PARD3B: variants seen among roughly 807,000 people sequenced by gnomAD.
The protein encoded by PARD3B is partitioning defective 3 homolog B.
In PARD3B, 103 loss-of-function variants were observed where a neutral mutation model predicts 130.2. The ratio of observed to expected loss-of-function variants is 0.79; its 90% CI spans 0.67 to 0.93. The LOEUF is 0.93. PARD3B is among the 40% of genes least tolerant of loss of function. The pLI, the probability that PARD3B is intolerant of heterozygous loss-of-function variation, is 0.00. For missense variants in PARD3B, 1,609 were observed against 1,499.2 expected (o/e 1.07, Z -1.21); for synonymous variants, 583 against 553.2 (o/e 1.05, Z -0.76).
chr2:205,549,651 G>A (rs1401910896), intron 21 of PARD3B, among the ~76,000 whole-genome samples: 1 of 152,150 alleles, frequency 6.6e-6, no homozygotes, highest in Non-Finnish European at 1.5e-5. Context: ...AATAGGCAGA[G>A]CACTTAAGAT....
chr2:205,074,452 T>A (rs1304198002), intron 4 of PARD3B, among the ~76,000 whole-genome samples: 2 of 152,180 alleles, frequency 1.3e-5, no homozygotes, highest in African/African-American at 4.8e-5. Context: ...TGGAACGACT[T>A]CAGAAAAACT....
chr2:205,083,334 GA>G lies in PARD3B; in HGVS notation c.505-21080del, dbSNP rs55665658. 9.4e-3 allele frequency among the ~76,000 whole-genome samples: 1,317 copies of G among 140,060 alleles called. 14 individuals are homozygous for G. Among genetic ancestry groups the G allele is most frequent in the African/African-American group, 0.031 (1,175 of 38,222 alleles). The allele number at this position is 140,060 out of a possible 152,430, so 91.9% of individuals were successfully genotyped here. A position where few individuals can be genotyped will look rare whatever the true frequency, so the allele number is the denominator to read the frequency against. ...TAGCATAAAAGTGGTTTTAAGAATAGAAAAAAAAAAAAGAGGAAATAACTTT... is the reference window on the plus strand; with the variant it reads ...TAGCATAAAAGTGGTTTTAAGAATAGAAAAAAAAAAAGAGGAAATAACTTT... On this transcript the variant is annotated intron_variant, in intron 4 of 22. Coordinates refer to ENST00000406610, the MANE Select transcript of PARD3B (RefSeq NM_001302769.2).
At chr2:205,054,404 T>TATATATATATATATATATATA (rs1699451825) in intron 4 of PARD3B, among the ~76,000 whole-genome samples, 4 of 33,834 alleles carry the variant, frequency 1.2e-4, no homozygotes, top group Non-Finnish European at 1.8e-4. Context: ...GACATGTCTT[T>TATATATATATATATATATATA]TATATATATA....
chr2:205,403,348 T>C (rs915243860), intron 19 of PARD3B, among the ~76,000 whole-genome samples: 1 of 152,202 alleles, frequency 6.6e-6, no homozygotes, highest in Non-Finnish European at 1.5e-5. Flanking sequence ...TGTTAAACTT[T>C]CAAGAATTTT....
At chr2:205,188,573 G>A (rs1484532542) in intron 14 of PARD3B, among the ~76,000 whole-genome samples, 1 of 152,120 alleles carries the variant, frequency 6.6e-6, no homozygotes, top group Non-Finnish European at 1.5e-5. Context: ...AGAAGAAAGG[G>A]CAGAGATATT....
Position 205,553,626 on chromosome 2 carries a change from C to T in PARD3B, c.3260+223C>T, listed in dbSNP as rs529857482. Among the ~76,000 whole-genome samples the T allele has an allele frequency of 3.9e-5, 6 of 152,168 alleles. No individual in the cohort carries two copies. In the East Asian group the frequency reaches 5.8e-4, roughly 15 times the overall value. On this transcript the variant is annotated intron_variant, in intron 22 of 22. Coordinates refer to ENST00000406610, the MANE Select transcript of PARD3B (RefSeq NM_001302769.2). ...AAAATAGTATATCATTGCAATTGAA[C>T]GTGTCAGCAAGAACATTGGATACTA...
intron 2 of PARD3B, among the ~76,000 whole-genome samples, chr2:204,928,573 T>G (rs1317068903): frequency 1.3e-5 from 2 of 152,116 alleles, no homozygotes; most frequent in Non-Finnish European, 2.9e-5. Flanking sequence ...CTAAATCATT[T>G]GCAGGGCAAT....
At chr2:205,382,218 T>C (rs995647601) in intron 18 of PARD3B, among the ~76,000 whole-genome samples, 3 of 152,118 alleles carry the variant, frequency 2.0e-5, no homozygotes, top group Admixed American at 1.3e-4. Flanking sequence ...GTGCTAGCTA[T>C]GTGACAGTTC....
rs1321744391 is a variant in PARD3B at position 205,253,888 on chromosome 2, A to G, written c.2185+8066A>G. On this transcript the variant is annotated intron_variant, in intron 16 of 22. Coordinates refer to ENST00000406610, the MANE Select transcript of PARD3B (RefSeq NM_001302769.2). This position sits in a 1 kb window ranked among gnomAD's most constrained non-coding sequence, Gnocchi z 4.4. ...ATTCATAGTGGAGAACTGCATTTCA[A>G]TTAAGAAAACAAAAACAAAAACACC... 3.9e-5 allele frequency among the ~76,000 whole-genome samples: 6 copies of G among 152,138 alleles called. No homozygotes were observed. The highest frequency in any genetic ancestry group is 7.4e-5 in the Non-Finnish European group (5 of 68,008).
At chr2:204,651,338 G>T (rs1395973440) in intron 1 of PARD3B, among the ~76,000 whole-genome samples, 1 of 152,222 alleles carries the variant, frequency 6.6e-6, no homozygotes, top group Non-Finnish European at 1.5e-5. Flanking sequence ...CCAAATGGGA[G>T]AAATTGACCC....
chr2:204,988,607 T>C (rs1034288145), intron 3 of PARD3B, among the ~76,000 whole-genome samples: 2 of 152,170 alleles, frequency 1.3e-5, no homozygotes, highest in African/African-American at 4.8e-5. Context: ...TCCATAAATA[T>C]ATATACCTAT....
chr2:204,603,865 T>G (rs1406350700), intron 1 of PARD3B, among the ~76,000 whole-genome samples: 13 of 152,188 alleles, frequency 8.5e-5, no homozygotes, highest in Admixed American at 3.9e-4. Flanking sequence ...GGAGACAACT[T>G]TACACCTTTC....
Position 205,119,136 on chromosome 2 carries a change from A to C in PARD3B, c.806+90A>C, listed in dbSNP as rs558488396. The C allele has an allele frequency of 3.5e-6, 5 of 1,432,478 alleles. No homozygotes were observed. In the African/African-American group the frequency reaches 5.9e-5, roughly 17 times the overall value. The allele number at this position is 1,432,478 out of a possible 1,614,324, so 88.7% of individuals were successfully genotyped here. ...ACTCATTATGATCAAAATAGTAGGT[A>C]GAATTTCTAGTCAGTTCCCTTTGAA... On this transcript the variant is annotated intron_variant, in intron 7 of 22. Transcript: ENST00000406610.
rs2041862332 is a variant in PARD3B, at chr2:205,298,164, T to C, written c.2186-2366T>C. 3.9e-5 allele frequency among the ~76,000 whole-genome samples: 6 copies of C among 152,200 alleles called. No homozygotes were observed. In the South Asian group the frequency reaches 6.2e-4, roughly 16 times the overall value. Reference sequence around the variant, plus strand: ...TGAATGGCAATTAATAAATAAAAGATGGTTACTATTGCTGACAGAGAATCA... The same window carrying C: ...TGAATGGCAATTAATAAATAAAAGACGGTTACTATTGCTGACAGAGAATCA... On this transcript the variant is annotated intron_variant, in intron 16 of 22. Coordinates refer to ENST00000406610, the MANE Select transcript of PARD3B (RefSeq NM_001302769.2).
At chr2:204,936,015 T>A (rs1688425027) in intron 2 of PARD3B, among the ~76,000 whole-genome samples, 1 of 152,252 alleles carries the variant, frequency 6.6e-6, no homozygotes, top group African/African-American at 2.4e-5. Context: ...TATAAACATG[T>A]ACAGAATGTA....
At position 205,590,790 on chromosome 2, in the gene PARD3B, A is replaced by G. The variant is rs2106597242; in HGVS notation, c.3261-24666A>G. Among the ~76,000 whole-genome samples the G allele has an allele frequency of 6.6e-6, 1 of 152,268 alleles. No individual in the cohort carries two copies. Among genetic ancestry groups the G allele is most frequent in the South Asian group, 2.1e-4 (1 of 4,826 alleles). ...TTGCCACATATTCACAAGAAGTAGG[A>G]TGAGTACCAAATCCCTAAAAAATGT... On this transcript the variant is annotated intron_variant, in intron 22 of 22. Transcript: ENST00000406610. The surrounding 1 kb of genome is among the most constrained non-coding windows in gnomAD (Gnocchi z 4.1).
At chr2:204,810,656 G>T (rs950841909) in intron 2 of PARD3B, among the ~76,000 whole-genome samples, 4 of 152,048 alleles carry the variant, frequency 2.6e-5, no homozygotes, top group South Asian at 4.2e-4. Context: ...CAGAGATAAG[G>T]CCTACTTGAT....
chr2:205,465,835 T>G (rs1251922067), intron 20 of PARD3B, among the ~76,000 whole-genome samples: 2 of 152,202 alleles, frequency 1.3e-5, no homozygotes, highest in Admixed American at 6.5e-5. Flanking sequence ...GTCCAATAAT[T>G]GCAGCTAAAA....
chr2:205,494,358 C>T (rs570569927), intron 20 of PARD3B, among the ~76,000 whole-genome samples: 34 of 152,280 alleles, frequency 2.2e-4, no homozygotes, highest in Non-Finnish European at 4.4e-4. Context: ...CCCTCTCATT[C>T]AGTTAGTGGT....
Sources: gnomAD v4.1 joint callset for allele counts (sites outside exome capture counted in the v4.1 genomes callset) on GRCh38, gnomAD v4.1.1 for gene constraint, Gnocchi (gnomAD v3.1) non-coding constraint, MANE v1.5 for transcripts, NCBI Gene and HGNC (gene_info 2026-07-23, HGNC 2026-07-21) for gene names.